Variants in PARP4 observed in about 807,000 individuals in gnomAD.
PARP4 encodes the protein poly(ADP-ribose) polymerase family member 4.
PARP4 carries 120 observed loss-of-function variants against 187.7 expected under a neutral mutation model. The ratio of observed to expected loss-of-function variants is 0.64; its 90% CI spans 0.55 to 0.74. The LOEUF (loss-of-function observed/expected upper bound fraction) is 0.74, where lower values mean the gene tolerates loss of function less well. PARP4 is among the 30% of genes least tolerant of loss of function. PARP4 has a pLI of 0.00. For missense variants in PARP4, 1,836 were observed against 2,070.5 expected (o/e 0.89, Z 2.20); for synonymous variants, 654 against 740.9 (o/e 0.88, Z 1.90).
At chr13:24,461,262 A>C (rs1432596525) in intron 17 of PARP4, among the ~76,000 whole-genome samples, 1 of 152,180 alleles carries the variant, frequency 6.6e-6, no homozygotes, top group Admixed American at 6.5e-5. Context: ...ACAGACAATA[A>C]AGAGATGATT....
intron 1 of PARP4, among the ~76,000 whole-genome samples, chr13:24,506,003 C>T (rs1869632754): frequency 6.6e-6 from 1 of 152,262 alleles, no homozygotes; most frequent in African/African-American, 2.4e-5. Flanking sequence ...TTTCACCTCC[C>T]ACTCCTACAG....
chr13:24,447,113 G>C lies in PARP4; in HGVS notation c.3188C>G (p.Pro1063Arg), dbSNP rs755705298. ...SVSVKWQQLN[P>R]DVPEALQAPA... The stretch of plus-strand genomic sequence containing the variant: ...GGCCTGCAGGGCCTCGGGCACATCT[G>C]GATTGAGTTGCTGCCATTTGACGGA... Residue 1063 changes from proline (P) to arginine (R), a missense_variant, in exon 26 of 34, where the codon CCA becomes CGA. Around this residue, in one of 8 missense-constraint regions of PARP4, gnomAD observed 56 missense variants for 103.7 expected, o/e 0.54. Transcript: ENST00000381989. 2 of 1,613,372 alleles carry C rather than the reference G, an allele frequency of 1.2e-6. No homozygotes were observed. Among genetic ancestry groups the C allele is most frequent in the East Asian group, 4.5e-5 (2 of 44,796 alleles).
At chr13:24,491,419 G>A (rs1425092976) in intron 9 of PARP4, among the ~76,000 whole-genome samples, 2 of 152,112 alleles carry the variant, frequency 1.3e-5, no homozygotes, top group African/African-American at 4.8e-5. Flanking sequence ...ACACCCGACT[G>A]ACAGACTCTT....
rs529526766 is a variant in PARP4, at chr13:24,447,085, T to A, written c.3216A>T (p.Pro1072=). 3.1e-6 allele frequency: 5 copies of A among 1,612,328 alleles called. No homozygotes were observed. The South Asian group carries it at 5.5e-5, about 18-fold the overall frequency. ...TGAGAAACAAGGACGGCACCTGGGC[T>A]GGGGCCTGCAGGGCCTCGGGCACAT... is the stretch of plus-strand genomic sequence containing the variant. The part of the protein sequence containing the change: ...NPDVPEALQA[P]AQVPSLFLND... Residue 1072 remains proline, a synonymous_variant, in exon 26 of 34, where the codon CCA becomes CCT. Transcript: ENST00000381989.
chr13:24,498,360 T>C, intron 5 of PARP4, 131 bp from the exon 6 acceptor site: 1 of 613,810 alleles, frequency 1.6e-6, no homozygotes, highest in Non-Finnish European at 2.9e-6. Flanking sequence ...TAGAAAAGTA[T>C]CAAGAAGAAA....
At chr13:24,494,783 C>T in intron 6 of PARP4, 61 bp from the exon 7 acceptor site, 5 of 1,195,564 alleles carry the variant, frequency 4.2e-6, no homozygotes, top group Non-Finnish European at 5.9e-6. Context: ...CTTTATTGAA[C>T]ATAAATAAAG....
At chr13:24,439,198 G>A (rs7989308) in intron 30 of PARP4, among the ~76,000 whole-genome samples, 60,270 of 151,676 alleles carry the variant, frequency 0.4, 12,200 homozygotes, top group African/African-American at 0.46. Flanking sequence ...ATGGTGGCTC[G>A]CTCCTGTAAT....
rs1186621850 is a variant in PARP4 at position 24,446,703 on chromosome 13, T to C, written c.3344A>G (p.Glu1115Gly). 1 of 1,596,142 alleles carries C rather than the reference T, an allele frequency of 6.3e-7. No individual in the cohort carries two copies. The highest frequency in any genetic ancestry group is 1.1e-5 in the South Asian group (1 of 90,696). ...KEFRTMVSTT[E>G]LQKTTGTMIH... ...TACAGTTCCAGTTGTCTTCTGAAGC[T>C]CAGTAGTCGACACCATTGTACGAAA... is the stretch of plus-strand genomic sequence containing the variant. The change falls in exon 27 of 34, where the codon GAG (glutamate) becomes GGG (glycine). Residue 1115 changes from glutamate (E) to glycine (G), a missense_variant. By Grantham distance (98) the Glu-to-Gly change is moderately conservative. Around this residue, in one of 8 missense-constraint regions of PARP4, gnomAD observed 56 missense variants for 56.6 expected, o/e 0.99. Transcript: ENST00000381989.
Position 24,434,551 on chromosome 13 carries a change from T to C in PARP4, c.4590A>G (p.Glu1530=). The C allele has an allele frequency of 6.2e-7, 1 of 1,613,810 alleles. No homozygotes were observed. The stretch of plus-strand genomic sequence containing the variant: ...GTAAAAAGCAGCTGTCTTGAAGTAC[T>C]TCTGATAGCTCATCACTTTCTGTGT... ...SSDTESDELS[E]VLQDSCFLQI... The change falls in exon 31 of 34, where the codon GAA becomes GAG. Residue 1530 remains glutamate, a synonymous_variant. Transcript: ENST00000381989.
intron 17 of PARP4, 87 bp downstream of exon 17, chr13:24,468,937 G>C (rs1872612310): frequency 1.0e-6 from 1 of 1,004,030 alleles, no homozygotes; most frequent in Non-Finnish European, 1.6e-6. Flanking sequence ...AATTATCTTA[G>C]CCTCTAGCAT....
chr13:24,443,540 C>CCA (rs111987890), intron 28 of PARP4, 110 bp downstream of exon 28: 271,861 of 735,810 alleles, frequency 0.37, 51,284 homozygotes, highest in African/African-American at 0.45. Flanking sequence ...TGCCCTGACA[C>CCA]CAGTCTCCTT....
intron 4 of PARP4, among the ~76,000 whole-genome samples, chr13:24,500,037 GGTT>G (rs1869184379): frequency 9.8e-6 from 1 of 101,714 alleles, no homozygotes; most frequent in Non-Finnish European, 2.1e-5. Flanking sequence ...GATGAAAATA[GGTT>G]TTTTTTTAAA....
chr13:24,475,687 C>G, intron 14 of PARP4, 91 bp from the exon 15 acceptor site: 1 of 1,272,228 alleles, frequency 7.9e-7, no homozygotes. Context: ...AGCCTTCATG[C>G]ATTTTATTTT....
Position 24,435,411 on chromosome 13 carries a change from G to T in PARP4, c.3730C>A (p.Pro1244Thr). ...RLSKRKHRKI[P>T]FSKRKMELSQ... is the part of the protein sequence containing the mutation. ...AATTCCATTTTTCTTTTGGAAAATG[G>T]AATTTTCCTATGTTTTCGTTTGGAT... The change falls in exon 31 of 34, where the codon CCA becomes ACA. Residue 1244 changes from proline (P) to threonine (T), a missense_variant. By Grantham distance (38) the Pro-to-Thr change is conservative. This residue lies in a region of PARP4 where 450 missense variants were observed against 439.2 expected (regional missense o/e 1.02). Transcript: ENST00000381989. The T allele has an allele frequency of 6.2e-7, 1 of 1,611,410 alleles. No homozygotes were observed. Among genetic ancestry groups the T allele is most frequent in the African/African-American group, 1.3e-5 (1 of 74,834 alleles).
At chr13:24,495,490 G>C (rs573304829) in intron 6 of PARP4, among the ~76,000 whole-genome samples, 2 of 152,336 alleles carry the variant, frequency 1.3e-5, no homozygotes, top group East Asian at 3.9e-4. Context: ...AAGTTATTAG[G>C]TCATGCACAT....
At position 24,443,725 on chromosome 13, in the gene PARP4, G is replaced by A; in HGVS notation, c.3372C>T (p.Ile1124=). 6.2e-7 allele frequency: 1 copy of A among 1,612,210 alleles called. No homozygotes were observed. Among genetic ancestry groups the A allele is most frequent in the Non-Finnish European group, 8.5e-7 (1 of 1,178,380 alleles). Residue 1124 remains isoleucine, a synonymous_variant, in exon 28 of 34, where the codon ATC becomes ATT. Transcript: ENST00000381989. ...TTAGAGCTCGGGCTGCCAGCTTGTG[G>A]ATCATCTGTGTTTAAGCAGCAAAGG... ...TELQKTTGTM[I]HKLAARALIR...
At chr13:24,464,163 GA>G (rs547293190) in intron 17 of PARP4, among the ~76,000 whole-genome samples, 115 of 152,282 alleles carry the variant, frequency 7.6e-4, no homozygotes, top group Non-Finnish European at 1.3e-3. Context: ...CGAACAAATG[GA>G]AAAACATTCC....
At chr13:24,484,419 C>T (rs1873443755) in intron 12 of PARP4, among the ~76,000 whole-genome samples, 2 of 152,122 alleles carry the variant, frequency 1.3e-5, no homozygotes. Context: ...GTGATCCTCC[C>T]ACCCTGGCCT....
At chr13:24,467,924 T>C (rs1872553438) in intron 17 of PARP4, among the ~76,000 whole-genome samples, 1 of 152,232 alleles carries the variant, frequency 6.6e-6, no homozygotes, top group South Asian at 2.1e-4. Flanking sequence ...CATTCTTAAC[T>C]GTTCAATAAT....
Sources: gnomAD v4.1 joint callset for allele counts (sites outside exome capture counted in the v4.1 genomes callset) on GRCh38, gnomAD v4.1.1 for gene constraint, gnomAD v4.1.1 regional missense constraint, MANE v1.5 for transcripts, NCBI Gene and HGNC (gene_info 2026-07-23, HGNC 2026-07-21) for gene names.